Variants in DCX observed in about 807,000 individuals in gnomAD.
DCX encodes neuronal migration protein doublecortin.
Under a neutral mutation model 20.9 loss-of-function variants are expected in DCX, and 4 were observed. The ratio of observed to expected loss-of-function variants is 0.19; its 90% CI spans 0.09 to 0.44. The LOEUF is 0.44. Among genes scored for constraint, DCX ranks in the 20% least tolerant of loss-of-function variants. The probability of loss-of-function intolerance (pLI) is 0.99; values close to 1 mark genes in which losing one functional copy is unlikely to be tolerated. For missense variants in DCX, 133 were observed against 296.9 expected, an observed-to-expected ratio of 0.45 and a Z score of 4.06; for synonymous variants, 103 against 111.4, an observed-to-expected ratio of 0.92 and a Z score of 0.47.
intron 3 of DCX, among the ~76,000 whole-genome samples, chrX:111,346,956 G>A (rs1180964077): frequency 9.0e-6 from 1 of 111,400 alleles, no homozygotes; most frequent in Admixed American, 9.5e-5. Flanking sequence ...AGAAGTCAAA[G>A]TTCACCTATA....
intron 3 of DCX, among the ~76,000 whole-genome samples, chrX:111,357,207 C>A (rs757083808): frequency 9.0e-6 from 1 of 111,534 alleles, no homozygotes; most frequent in Non-Finnish European, 1.9e-5. Flanking sequence ...TGACATAGTG[C>A]AAAGATCTCT....
intron 3 of DCX, among the ~76,000 whole-genome samples, chrX:111,335,332 A>T (rs112872538): frequency 1.8e-5 from 2 of 112,052 alleles, no homozygotes; most frequent in Non-Finnish European, 3.8e-5. Flanking sequence ...ACCTTCCTCT[A>T]TATCTTCCTG....
intron 6 of DCX, among the ~76,000 whole-genome samples, chrX:111,305,592 G>A (rs1344165535): frequency 9.8e-6 from 1 of 101,759 alleles, no homozygotes; most frequent in Non-Finnish European, 2.0e-5. Context: ...GGTAACCTCT[G>A]TGTTATTCTC....
intron 3 of DCX, among the ~76,000 whole-genome samples, chrX:111,376,562 A>G (rs749844043): frequency 8.9e-6 from 1 of 111,921 alleles, no homozygotes; most frequent in South Asian, 3.7e-4. Flanking sequence ...AATGAAAATA[A>G]GAGCTGAATT....
intron 3 of DCX, among the ~76,000 whole-genome samples, chrX:111,353,905 T>G (rs1923524022): frequency 8.9e-6 from 1 of 111,897 alleles, no homozygotes; most frequent in African/African-American, 3.2e-5. Flanking sequence ...AAAATTGACT[T>G]TTGGACCTTG....
chrX:111,354,306 T>C lies in DCX; in HGVS notation c.706-21153A>G, dbSNP rs147938499. Reference sequence around the variant, plus strand: ...TTTGATTGTCCTTTTGAATCACCCTTTGTATGTAAACCATCTTTAGAATTC... The same window carrying C: ...TTTGATTGTCCTTTTGAATCACCCTCTGTATGTAAACCATCTTTAGAATTC... On this transcript the variant is annotated intron_variant, in intron 3 of 6. Coordinates refer to ENST00000636035, the MANE Select transcript of DCX (RefSeq NM_001195553.2). Among the ~76,000 whole-genome samples, 410 of 111,741 alleles carry C rather than the reference T, an allele frequency of 3.7e-3. 3 individuals are homozygous for C. Among genetic ancestry groups the C allele is most frequent in the African/African-American group, 0.013 (387 of 30,771 alleles).
chrX:111,356,817 G>T (rs1238412148), intron 3 of DCX, among the ~76,000 whole-genome samples: 1 of 112,076 alleles, frequency 8.9e-6, no homozygotes, highest in East Asian at 2.8e-4. Flanking sequence ...TCAAGATTTA[G>T]AAAGTTTCTA....
chrX:111,314,964 A>T (rs2095066312), intron 5 of DCX, among the ~76,000 whole-genome samples: 2 of 109,716 alleles, frequency 1.8e-5, no homozygotes, highest in Non-Finnish European at 3.8e-5. Context: ...TCTTTAGTTT[A>T]ATTAGATCCC....
chrX:111,344,865 A>C (rs189878047), intron 3 of DCX, among the ~76,000 whole-genome samples: 1 of 111,984 alleles, frequency 8.9e-6, no homozygotes, highest in African/African-American at 3.2e-5. Flanking sequence ...TACCATTGAC[A>C]TTCTTCACAG....
At chrX:111,321,282 G>A (rs919339989) in intron 5 of DCX, among the ~76,000 whole-genome samples, 1 of 112,031 alleles carries the variant, frequency 8.9e-6, no homozygotes, top group Admixed American at 9.5e-5. Context: ...TGGGAAGATA[G>A]TATCTATGCC....
intron 3 of DCX, among the ~76,000 whole-genome samples, chrX:111,350,907 T>C (rs1266156595): frequency 1.8e-5 from 2 of 112,066 alleles, no homozygotes; most frequent in East Asian, 5.6e-4. Flanking sequence ...CTTACTTACA[T>C]GGTGGCAGAG....
chrX:111,392,183 T>G (rs912925760), intron 3 of DCX, among the ~76,000 whole-genome samples: 17 of 111,611 alleles, frequency 1.5e-4, no homozygotes, highest in African/African-American at 5.5e-4. Flanking sequence ...AAAAAAAGAT[T>G]GTGAATTTCT....
At chrX:111,318,990 G>A (rs2147609503) in intron 5 of DCX, among the ~76,000 whole-genome samples, 1 of 112,286 alleles carries the variant, frequency 8.9e-6, no homozygotes, top group African/African-American at 3.2e-5. Context: ...AGATATGAAT[G>A]TGTGAGAGAA....
intron 3 of DCX, among the ~76,000 whole-genome samples, chrX:111,391,904 A>G (rs777848396): frequency 9.0e-6 from 1 of 111,698 alleles, no homozygotes; most frequent in South Asian, 3.8e-4. Flanking sequence ...GGAATTCTAG[A>G]AGCTCCTTTT....
At chrX:111,411,078 C>T (rs1928677996) in intron 1 of DCX, 1 of 720,621 alleles carries the variant, frequency 1.4e-6, no homozygotes. Flanking sequence ...CAGCCAGTGT[C>T]TTTGTGCTAT....
intron 3 of DCX, among the ~76,000 whole-genome samples, chrX:111,364,089 T>C (rs1397543656): frequency 1.8e-5 from 2 of 112,055 alleles, no homozygotes; most frequent in Non-Finnish European, 3.8e-5. Context: ...CTGGCTAATT[T>C]GTTTCCTAAT....
intron 3 of DCX, among the ~76,000 whole-genome samples, chrX:111,373,796 C>A (rs1302590727): frequency 9.0e-6 from 1 of 111,628 alleles, no homozygotes; most frequent in Non-Finnish European, 1.9e-5. Context: ...ATCACAAGAA[C>A]CCTCTGAAGC....
intron 3 of DCX, among the ~76,000 whole-genome samples, chrX:111,357,298 C>G (rs188886348): frequency 1.0e-3 from 112 of 111,741 alleles, no homozygotes; most frequent in African/African-American, 3.5e-3. Flanking sequence ...CATTTTTTCT[C>G]TCAGGATCAC....
In DCX at chrX:111,333,127, A is replaced by C. The variant is rs1216749634; in HGVS notation, c.732T>G (p.Gly244=). ...KQVTCLHDFF[G]DDDVFIACGP... is the part of the protein sequence containing the mutation. ...CACAGGCAATAAACACATCATCATC[A>C]CCAAAGAAATCATGGAGACAAGTTA... Residue 244 remains glycine (G), a synonymous_variant, in exon 4 of 7, where the codon GGT becomes GGG. Transcript: ENST00000636035. 1 of 1,207,923 alleles carries C rather than the reference A, an allele frequency of 8.3e-7. No individual in the cohort carries two copies. Among genetic ancestry groups the C allele is most frequent in the African/African-American group, 1.8e-5 (1 of 57,032 alleles).
Sources: gnomAD v4.1 joint callset for allele counts (sites outside exome capture counted in the v4.1 genomes callset) on GRCh38, gnomAD v4.1.1 for gene constraint, MANE v1.5 for transcripts, NCBI Gene and HGNC (gene_info 2026-07-23, HGNC 2026-07-21) for gene names.